ANO4: variants seen among roughly 807,000 people sequenced by gnomAD.
ANO4 encodes anoctamin-4.
In ANO4, 69 loss-of-function variants were observed where a neutral mutation model predicts 141.9. That is an observed-to-expected ratio of 0.49 (90% CI 0.40 to 0.59). The LOEUF is 0.59. Among genes scored for constraint, ANO4 ranks in the 20% least tolerant of loss-of-function variants. The pLI is 0.00. For synonymous variants in ANO4, 350 were observed against 394.3 expected (o/e 0.89, Z 1.33); for missense variants, 894 against 1,162.2 (o/e 0.77, Z 3.36).
intron 14 of ANO4, among the ~76,000 whole-genome samples, chr12:101,063,874 T>C (rs1329366323): frequency 1.3e-5 from 2 of 149,934 alleles, no homozygotes; most frequent in African/African-American, 2.4e-5. Flanking sequence ...TGTTATGATA[T>C]CATATTGGTC....
intron 13 of ANO4, among the ~76,000 whole-genome samples, chr12:101,045,851 C>A (rs916561830): frequency 2.6e-5 from 4 of 152,188 alleles, no homozygotes; most frequent in African/African-American, 9.7e-5. Context: ...TGGCTCCAGG[C>A]TTACGTTTTC....
At chr12:100,734,563 A>G (rs2031524877) in intron 2 of ANO4, among the ~76,000 whole-genome samples, 1 of 152,176 alleles carries the variant, frequency 6.6e-6, no homozygotes, top group Admixed American at 6.5e-5. Context: ...TGCATACATT[A>G]TTTTACTTAA....
intron 1 of ANO4, among the ~76,000 whole-genome samples, chr12:100,729,992 T>C (rs569913250): frequency 6.6e-6 from 1 of 152,332 alleles, no homozygotes; most frequent in South Asian, 2.1e-4. Context: ...TTCTTCTTCA[T>C]TCCTTTTCTC....
chr12:100,787,393 T>TGAGGATGTAAGTGAATGA (rs2033908369), intron 3 of ANO4, among the ~76,000 whole-genome samples: 1 of 152,182 alleles, frequency 6.6e-6, no homozygotes. Flanking sequence ...ACTCTGAGTA[T>TGAGGATGTAAGTGAATGA]GAGGATGTAA....
At position 100,988,738 on chromosome 12, in the gene ANO4, G is replaced by A. The variant is rs188939220; in HGVS notation, c.734+1068G>A. Among the ~76,000 whole-genome samples, 313 of 151,752 alleles carry A rather than the reference G, an allele frequency of 2.1e-3. 1 individual carries two copies. The highest frequency in any genetic ancestry group is 7.0e-3 in the African/African-American group (291 of 41,380). ...ACACAAAAATTAGCTGGGCATGGTG[G>A]TGCACACCTGTAATCCCAGCTACTC... On this transcript the variant is annotated intron_variant, in intron 8 of 27. Transcript: ENST00000392977.
chr12:100,916,823 T>C (rs1356574480), intron 2 of ANO4, among the ~76,000 whole-genome samples: 1 of 152,176 alleles, frequency 6.6e-6, no homozygotes, highest in Non-Finnish European at 1.5e-5. Context: ...TGGGAAGGCA[T>C]TGACATATTT....
chr12:100,777,223 G>T (rs959364039), intron 3 of ANO4, among the ~76,000 whole-genome samples: 4 of 145,590 alleles, frequency 2.7e-5, no homozygotes, highest in Non-Finnish European at 6.0e-5. Context: ...CTCCCAAGTA[G>T]CTGGGATTAC....
chr12:101,086,872 G>T, intron 17 of ANO4, 48 bp downstream of exon 17: 1 of 1,588,678 alleles, frequency 6.3e-7, no homozygotes, highest in South Asian at 1.1e-5. Flanking sequence ...TGTGTGGGCT[G>T]CAAGTGACAG....
At chr12:100,722,369 G>A (rs2030905438) in intron 1 of ANO4, among the ~76,000 whole-genome samples, 1 of 152,124 alleles carries the variant, frequency 6.6e-6, no homozygotes, top group Non-Finnish European at 1.5e-5. Context: ...AAATTCTCCA[G>A]TGGCTCTTCT....
intron 17 of ANO4, among the ~76,000 whole-genome samples, chr12:101,087,168 G>A (rs2049538128): frequency 1.3e-5 from 2 of 152,108 alleles, no homozygotes; most frequent in African/African-American, 2.4e-5. Flanking sequence ...ACACAGCATT[G>A]CAATGTTGGT....
At chr12:101,056,106 T>C (rs2048106986) in intron 14 of ANO4, among the ~76,000 whole-genome samples, 1 of 152,202 alleles carries the variant, frequency 6.6e-6, no homozygotes, top group South Asian at 2.1e-4. Flanking sequence ...AAAATTGTTT[T>C]GCTGTTTTAG....
intron 15 of ANO4, among the ~76,000 whole-genome samples, chr12:101,082,827 C>T (rs2654991): frequency 0.19 from 28,727 of 152,224 alleles, 3,431 homozygotes; most frequent in East Asian, 0.53. Flanking sequence ...CCTGGATTAA[C>T]TCAATCTCCA....
At chr12:100,861,302 A>G (rs2038461537) in intron 1 of ANO4, among the ~76,000 whole-genome samples, 1 of 152,048 alleles carries the variant, frequency 6.6e-6, no homozygotes, top group Admixed American at 6.6e-5. Context: ...GTGTACTTAA[A>G]CCTAGATGGT....
rs2042403726 is a variant in ANO4, at chr12:100,939,163, A to C, written c.161-152A>C. 7 of 771,482 alleles carry C rather than the reference A, an allele frequency of 9.1e-6. No individual in the cohort carries two copies. In the Admixed American group the frequency reaches 1.1e-4, roughly 12 times the overall value. The allele number at this position is 771,482 out of a possible 1,614,324, so 47.8% of individuals were successfully genotyped here. On this transcript the variant is annotated intron_variant, in intron 3 of 27. Coordinates refer to ENST00000392977, the MANE Select transcript of ANO4 (RefSeq NM_001286615.2). ...GTCAAACATGTTTTATGTCTGACAT[A>C]CTTTTCTTTTAGGAAATAATATGCT...
chr12:101,069,878 C>T (rs1354068175), intron 14 of ANO4, among the ~76,000 whole-genome samples: 1 of 152,006 alleles, frequency 6.6e-6, no homozygotes, highest in African/African-American at 2.4e-5. Flanking sequence ...GCCAGATCTA[C>T]ATTAGGAAAA....
At chr12:100,956,549 C>T (rs1452366326) in intron 5 of ANO4, among the ~76,000 whole-genome samples, 1 of 152,170 alleles carries the variant, frequency 6.6e-6, no homozygotes, top group African/African-American at 2.4e-5. Flanking sequence ...GACTCTCTTC[C>T]TCCTCAGTCT....
At chr12:101,009,623 C>T (rs987677296) in intron 8 of ANO4, among the ~76,000 whole-genome samples, 13 of 152,106 alleles carry the variant, frequency 8.5e-5, no homozygotes, top group African/African-American at 3.1e-4. Flanking sequence ...TAACCTTTCT[C>T]CTCTATGGAA....
At chr12:100,974,402 G>A (rs745570451) in intron 6 of ANO4, among the ~76,000 whole-genome samples, 4 of 151,858 alleles carry the variant, frequency 2.6e-5, no homozygotes, top group Non-Finnish European at 5.9e-5. Context: ...TACCATGAGA[G>A]ACGTGTCTTG....
chr12:100,739,944 C>T (rs1277175969), exon 3 of ANO4: 7 of 702,604 alleles, frequency 1.0e-5, no homozygotes, highest in Non-Finnish European at 1.6e-5. Context: ...TCAGATCTGC[C>T]TCTCTTCGTC....
Sources: allele counts gnomAD v4.1 joint callset (sites outside exome capture counted in the v4.1 genomes callset), GRCh38; gene constraint gnomAD v4.1.1; transcripts MANE v1.5; gene names NCBI Gene and HGNC (gene_info 2026-07-23, HGNC 2026-07-21).